HMBOX1: variants seen among roughly 807,000 people sequenced by gnomAD.
HMBOX1 encodes homeobox-containing protein 1.
A neutral mutation model predicts 54.5 loss-of-function variants in HMBOX1; 14 were observed. The observed-to-expected ratio is 0.26, with a 90% CI of 0.17 to 0.40. The LOEUF is 0.40. Among genes scored for constraint, HMBOX1 ranks in the 10% least tolerant of loss-of-function variants. The pLI, the probability that HMBOX1 is intolerant of heterozygous loss-of-function variation, is 1.00. For synonymous variants in HMBOX1, 160 were observed against 181.0 expected (o/e 0.88, Z 0.93); for missense variants, 332 against 514.4 (o/e 0.65, Z 3.43).
At chr8:28,972,728 T>C (rs1479726295) in intron 3 of HMBOX1, among the ~76,000 whole-genome samples, 1 of 152,206 alleles carries the variant, frequency 6.6e-6, no homozygotes, top group Non-Finnish European at 1.5e-5. Flanking sequence ...AGTAAAAGTC[T>C]CTAGAAGATT....
At chr8:28,927,932 C>T (rs973658350) in intron 1 of HMBOX1, among the ~76,000 whole-genome samples, 4 of 149,732 alleles carry the variant, frequency 2.7e-5, no homozygotes, top group South Asian at 2.1e-4. Flanking sequence ...GTCAAGAGAT[C>T]GAGACCATCC....
chr8:29,009,198 T>G lies in HMBOX1; in HGVS notation c.697+16T>G, dbSNP rs1381223791. The G allele has an allele frequency of 6.4e-7, 1 of 1,556,494 alleles. No homozygotes were observed. Among genetic ancestry groups the G allele is most frequent in the East Asian group, 2.2e-5 (1 of 44,528 alleles). ...ACAAACCCTGGTAAATAGCATTTCC[T>G]TTTATTTATTGCATCTGAAACAAGA... is the stretch of plus-strand genomic sequence containing the variant. On this transcript the variant is annotated intron_variant, in intron 5 of 9. Transcript: ENST00000287701.
rs190364776 is a variant in HMBOX1, at chr8:28,963,823, C to T, written c.-45C>T. On this transcript the variant is annotated 5_prime_UTR_variant, in exon 2 of 10. The change creates a new upstream start codon in the 5' untranslated region. Coordinates refer to ENST00000287701, the MANE Select transcript of HMBOX1 (RefSeq NM_001135726.3). ...CTTTGTTCTACAGAATGGTAGATAA[C>T]GCAGATCATCTCTGGAAAGGATATT... 2.9e-5 allele frequency: 44 copies of T among 1,518,132 alleles called. No individual in the cohort carries two copies. The highest frequency in any genetic ancestry group is 2.2e-4 in the Middle Eastern group (1 of 4,580). 94.0% of individuals were successfully genotyped at this position (1,518,132 alleles called of 1,614,324 possible).
chr8:29,030,178 A>G (rs1161485911), intron 6 of HMBOX1, among the ~76,000 whole-genome samples: 2 of 120,356 alleles, frequency 1.7e-5, no homozygotes, highest in African/African-American at 6.9e-5. Flanking sequence ...ATTAGGTTCC[A>G]GTTTTTTTTT....
chr8:29,038,099 T>C (rs1804202672), intron 6 of HMBOX1, among the ~76,000 whole-genome samples: 1 of 152,250 alleles, frequency 6.6e-6, no homozygotes, highest in Non-Finnish European at 1.5e-5. Flanking sequence ...GTCTTTTCTA[T>C]ATGTTCACGC....
Position 29,038,985 on chromosome 8 carries a change from G to A in HMBOX1, c.852-6376G>A, listed in dbSNP as rs147718133. ...TTTCATGACTCTTTCACTGCCTTTG[G>A]ACATGGTGTTGTTTCCTCTGCCTGA... On this transcript the variant is annotated intron_variant, in intron 6 of 9. Coordinates refer to ENST00000287701, the MANE Select transcript of HMBOX1 (RefSeq NM_001135726.3). 9.9e-5 allele frequency among the ~76,000 whole-genome samples: 15 copies of A among 152,142 alleles called. No individual in the cohort carries two copies. In the East Asian group the frequency reaches 2.9e-3, roughly 29 times the overall value.
At chr8:28,902,733 A>G (rs562412662) in intron 1 of HMBOX1, among the ~76,000 whole-genome samples, 7 of 150,744 alleles carry the variant, frequency 4.6e-5, no homozygotes, top group Non-Finnish European at 5.9e-5. Context: ...CTTGAGGATT[A>G]CTTCCAGAGC....
At chr8:29,006,018 A>ATTTTCTTT in intron 4 of HMBOX1, among the ~76,000 whole-genome samples, 1 of 136,404 alleles carries the variant, frequency 7.3e-6, no homozygotes, top group African/African-American at 2.8e-5. Flanking sequence ...TTTGAGACAG[A>ATTTTCTTT]GTGTCACTCT....
chr8:28,905,211 A>AGG lies in HMBOX1; in HGVS notation c.-58+14534_-58+14535insGG, dbSNP rs1814053936. 2.6e-5 allele frequency among the ~76,000 whole-genome samples: 4 copies of AGG among 152,366 alleles called. No homozygotes were observed. In the South Asian group the frequency reaches 8.3e-4, roughly 32 times the overall value. On this transcript the variant is annotated intron_variant, in intron 1 of 9. Transcript: ENST00000287701. The stretch of plus-strand genomic sequence containing the variant: ...GCTGAGCAAGAGCTTCCACATGAGC[A>AGG]GTAGGAACTGAAGGGTTTTTTGTTG...
intron 1 of HMBOX1, among the ~76,000 whole-genome samples, chr8:28,926,322 C>T (rs1481240673): frequency 6.6e-6 from 1 of 150,652 alleles, no homozygotes; most frequent in Non-Finnish European, 1.5e-5. Flanking sequence ...CACACACACA[C>T]ATATATTTTA....
At position 29,051,624 on chromosome 8, in the gene HMBOX1, A is replaced by G; in HGVS notation, c.*469A>G. ...CATTTGGGGAGTATCCACAGAGTCAAAGGAACACTAGAATCCCCACCTCAG... is the reference window on the plus strand; with the variant it reads ...CATTTGGGGAGTATCCACAGAGTCAGAGGAACACTAGAATCCCCACCTCAG... On this transcript the variant is annotated 3_prime_UTR_variant, in exon 10 of 10. Transcript: ENST00000287701. 1 of 702,948 alleles carries G rather than the reference A, an allele frequency of 1.4e-6. No individual in the cohort carries two copies. Among genetic ancestry groups the G allele is most frequent in the Non-Finnish European group, 2.6e-6 (1 of 384,952 alleles). The allele number at this position is 702,948 out of a possible 1,614,324, so 43.5% of individuals were successfully genotyped here.
intron 4 of HMBOX1, among the ~76,000 whole-genome samples, chr8:28,980,664 C>T (rs1196177552): frequency 2.0e-5 from 3 of 152,066 alleles, no homozygotes; most frequent in African/African-American, 7.2e-5. Context: ...TCCCATTCTC[C>T]ACCCCCACCT....
chr8:28,925,773 G>C (rs1288564956), intron 1 of HMBOX1, among the ~76,000 whole-genome samples: 2 of 151,838 alleles, frequency 1.3e-5, no homozygotes, highest in African/African-American at 2.4e-5. Flanking sequence ...CCTCATAAAG[G>C]CTTTTTTATA....
chr8:28,960,802 T>TGGAGACGGAG, intron 1 of HMBOX1, among the ~76,000 whole-genome samples: 2 of 121,498 alleles, frequency 1.6e-5, no homozygotes, highest in East Asian at 2.4e-4. Flanking sequence ...TTTTTTTTTT[T>TGGAGACGGAG]TTGGAGACGG....
intron 9 of HMBOX1, chr8:29,050,302 A>G: frequency 1.3e-6 from 1 of 774,588 alleles, no homozygotes; most frequent in Non-Finnish European, 1.6e-6. Context: ...TGCCTGACGT[A>G]CATCCTGCAA....
At chr8:28,979,790 A>G (rs1035261259) in intron 3 of HMBOX1, among the ~76,000 whole-genome samples, 1 of 152,184 alleles carries the variant, frequency 6.6e-6, no homozygotes, top group Non-Finnish European at 1.5e-5. Context: ...TCCTAATGTG[A>G]ATTATACAGA....
chr8:29,010,315 T>TG, intron 5 of HMBOX1: 3 of 262,032 alleles, frequency 1.1e-5, no homozygotes, highest in South Asian at 1.4e-4. Context: ...ATCCCAACAC[T>TG]TTGGGAGGCC....
rs1806596742 is a variant in HMBOX1, at chr8:29,053,212, T to A, written c.*2057T>A. The stretch of plus-strand genomic sequence containing the variant: ...TATATGCAGGGCCTGGTCCCACTTT[T>A]GTCCATGGATTTCAGGGGGAAAAAA... On this transcript the variant is annotated 3_prime_UTR_variant, in exon 10 of 10. Coordinates refer to ENST00000287701, the MANE Select transcript of HMBOX1 (RefSeq NM_001135726.3). The A allele has an allele frequency of 6.6e-6, 1 of 152,228 alleles. No homozygotes were observed. The highest frequency in any genetic ancestry group is 1.5e-5 in the Non-Finnish European group (1 of 68,042). 9.4% of individuals were successfully genotyped at this position (152,228 alleles called of 1,614,324 possible).
intron 6 of HMBOX1, among the ~76,000 whole-genome samples, chr8:29,019,896 T>C (rs886156751): frequency 6.6e-6 from 1 of 152,200 alleles, no homozygotes; most frequent in Non-Finnish European, 1.5e-5. Context: ...TTTGTTCATG[T>C]GATATAGTTG....
Sources: gnomAD v4.1 joint callset for allele counts (sites outside exome capture counted in the v4.1 genomes callset) on GRCh38, gnomAD v4.1.1 for gene constraint, MANE v1.5 for transcripts, NCBI Gene and HGNC (gene_info 2026-07-23, HGNC 2026-07-21) for gene names.